LCP1: variants seen among roughly 807,000 people sequenced by gnomAD.
LCP1 encodes plastin-2.
In LCP1, 23 loss-of-function variants were observed where a neutral mutation model predicts 72.0. The ratio of observed to expected loss-of-function variants is 0.32; its 90% CI spans 0.23 to 0.45. LCP1 has a LOEUF of 0.45. Among genes scored for constraint, LCP1 ranks in the 20% least tolerant of loss-of-function variants. The pLI is 1.00. For synonymous variants in LCP1, 245 were observed against 275.4 expected (o/e 0.89, Z 1.09); for missense variants, 571 against 748.3 (o/e 0.76, Z 2.76).
At chr13:46,162,986 G>C (rs1030540393) in intron 1 of LCP1, among the ~76,000 whole-genome samples, 1 of 151,036 alleles carries the variant, frequency 6.6e-6, no homozygotes, top group Non-Finnish European at 1.5e-5. Context: ...GTCTCCAGCC[G>C]GCAGCCGCCC....
intron 1 of LCP1, among the ~76,000 whole-genome samples, chr13:46,162,788 GC>G (rs1334263393): frequency 2.6e-5 from 4 of 151,890 alleles, no homozygotes; most frequent in African/African-American, 9.7e-5. Flanking sequence ...GAGCGCCTCT[GC>G]CCCGCCGCCC....
intron 7 of LCP1, among the ~76,000 whole-genome samples, chr13:46,152,104 G>T (rs549431604): frequency 2.4e-4 from 36 of 152,328 alleles, no homozygotes; most frequent in African/African-American, 8.7e-4. Context: ...ACACAGTAAG[G>T]TGGTTACTGT....
rs1330417883 is a variant in LCP1 at position 46,148,345 on chromosome 13, G to T, written c.978+7C>A. 1.2e-6 allele frequency: 2 copies of T among 1,603,914 alleles called. No homozygotes were observed. The highest frequency in any genetic ancestry group is 1.7e-6 in the Non-Finnish European group (2 of 1,171,474). ...ATTCTCCAAACACAACTGGGACCTG[G>T]CCTTACCCGCAGTCCTGACATGTCA... On this transcript the variant is annotated splice_region_variant and intron_variant, in intron 9 of 15. Transcript: ENST00000323076.
In LCP1 at chr13:46,158,655, C is replaced by A; in HGVS notation, c.229-4G>T. 2 of 1,613,460 alleles carry A rather than the reference C, an allele frequency of 1.2e-6. No homozygotes were observed. The highest frequency in any genetic ancestry group is 1.7e-6 in the Non-Finnish European group (2 of 1,179,848). ...TGCTTTTTAGGCCATGGAAAATCTG[C>A]AAAAATATAATGTATCTTTAGAAAC... On this transcript the variant is annotated splice_polypyrimidine_tract_variant and splice_region_variant and intron_variant, in intron 3 of 15. Transcript: ENST00000323076.
rs1174972186 is a variant in LCP1, at chr13:46,126,013, A to AG, written c.*1577dup. 2 of 203,280 alleles carry AG rather than the reference A, an allele frequency of 9.8e-6. No homozygotes were observed. The highest frequency in any genetic ancestry group is 2.0e-5 in the Non-Finnish European group (2 of 98,862). The allele number at this position is 203,280 out of a possible 1,614,324, so 12.6% of individuals were successfully genotyped here. On this transcript the variant is annotated 3_prime_UTR_variant, in exon 16 of 16. Coordinates refer to ENST00000323076, the MANE Select transcript of LCP1 (RefSeq NM_002298.5). ...TAACATTCTTTCTTCCTGGAGGCGGAGGGGGGAAATCATCTGAGGCTACAG... is the reference window on the plus strand; with the variant it reads ...TAACATTCTTTCTTCCTGGAGGCGGAGGGGGGGAAATCATCTGAGGCTACAG...
chr13:46,145,333 G>T (rs1267290758), intron 10 of LCP1, among the ~76,000 whole-genome samples: 1 of 152,154 alleles, frequency 6.6e-6, no homozygotes, highest in Non-Finnish European at 1.5e-5. Context: ...AATTAAACAC[G>T]GCAGAGGACA....
chr13:46,153,593 C>T lies in LCP1; in HGVS notation c.574-648G>A, dbSNP rs566797885. Among the ~76,000 whole-genome samples, 14 of 150,962 alleles carry T rather than the reference C, an allele frequency of 9.3e-5. No homozygotes were observed. In the South Asian group the frequency reaches 2.7e-3, roughly 30 times the overall value. The stretch of plus-strand genomic sequence containing the variant: ...GCAGGTGCCTGTAATCCCAGCCACT[C>T]GGGAGGCTGAGGCAGGAGAATCTCT... On this transcript the variant is annotated intron_variant, in intron 6 of 15. Transcript: ENST00000323076.
intron 1 of LCP1, among the ~76,000 whole-genome samples, chr13:46,164,602 C>T (rs2045866457): frequency 1.3e-5 from 2 of 152,168 alleles, no homozygotes; most frequent in African/African-American, 4.8e-5. Context: ...AGTGGATTAA[C>T]TTAGTTTAAA....
intron 6 of LCP1, among the ~76,000 whole-genome samples, chr13:46,154,398 A>G (rs2045787536): frequency 6.6e-6 from 1 of 152,174 alleles, no homozygotes; most frequent in African/African-American, 2.4e-5. Flanking sequence ...TATTTATTAT[A>G]CTCGTGGCTG....
intron 4 of LCP1, among the ~76,000 whole-genome samples, chr13:46,157,257 C>CATAT (rs138830625): frequency 0.012 from 1,796 of 151,036 alleles, 28 homozygotes; most frequent in African/African-American, 0.041. Flanking sequence ...TGCATGTATA[C>CATAT]ATATATATAT....
At chr13:46,134,826 A>G (rs2045654245) in intron 13 of LCP1, among the ~76,000 whole-genome samples, 1 of 152,084 alleles carries the variant, frequency 6.6e-6, no homozygotes. Context: ...TTAAAATTCT[A>G]TAGACTAGGC....
At chr13:46,127,818 G>A in intron 15 of LCP1, 95 bp from the exon 16 acceptor site, 3 of 1,441,680 alleles carry the variant, frequency 2.1e-6, no homozygotes, top group Admixed American at 1.8e-5. Context: ...TCCATAGTCA[G>A]GACAGAACTC....
intron 1 of LCP1, among the ~76,000 whole-genome samples, chr13:46,165,626 G>C (rs981157025): frequency 6.6e-6 from 1 of 152,132 alleles, no homozygotes; most frequent in Admixed American, 6.5e-5. Flanking sequence ...TAAGTGAGTG[G>C]TTTCTTCAGC....
At chr13:46,133,783 C>T (rs893571058) in intron 14 of LCP1, among the ~76,000 whole-genome samples, 13 of 151,908 alleles carry the variant, frequency 8.6e-5, no homozygotes, top group African/African-American at 1.9e-4. Context: ...CTGTTGGGTA[C>T]GATGCTCCAT....
chr13:46,138,139 C>T (rs1201677355), intron 13 of LCP1, among the ~76,000 whole-genome samples: 1 of 152,184 alleles, frequency 6.6e-6, no homozygotes, highest in African/African-American at 2.4e-5. Context: ...ATGCTGTTTG[C>T]CAACTGTCCA....
intron 1 of LCP1, among the ~76,000 whole-genome samples, chr13:46,179,608 A>T (rs2045947032): frequency 6.6e-6 from 1 of 152,220 alleles, no homozygotes; most frequent in Non-Finnish European, 1.5e-5. Context: ...TGTTTCTTGA[A>T]GTCCGCCTTG....
chr13:46,165,684 A>G (rs990001148), intron 1 of LCP1, among the ~76,000 whole-genome samples: 8 of 152,150 alleles, frequency 5.3e-5, no homozygotes, highest in Non-Finnish European at 2.9e-5. Context: ...TAATGACTAC[A>G]TCATCTAAAT....
chr13:46,159,031 G>A (rs2138262506), intron 2 of LCP1, 42 bp from the exon 3 acceptor site: 1 of 1,596,706 alleles, frequency 6.3e-7, no homozygotes. Flanking sequence ...GACGATTCAG[G>A]CAACAGCTTT....
chr13:46,156,518 A>T lies in LCP1; in HGVS notation c.411T>A (p.Asp137Glu). 1.2e-6 allele frequency: 2 copies of T among 1,614,168 alleles called. No individual in the cohort carries two copies. The highest frequency in any genetic ancestry group is 1.1e-5 in the South Asian group (1 of 91,082). ...TTGGGATGACATGCCGACAATCAGG[A>T]TCATTTTCCAGGGCTTTGTTTATCC... Reference protein sequence around the residue: ...VNWINKALENDPDCRHVIPMN... With the variant: ...VNWINKALENEPDCRHVIPMN... Residue 137 changes from aspartate to glutamate, a missense_variant, in exon 5 of 16, where the codon GAT becomes GAA. By Grantham distance (45) the Asp-to-Glu change is conservative. Transcript: ENST00000323076.
Sources: allele counts gnomAD v4.1 joint callset (sites outside exome capture counted in the v4.1 genomes callset), GRCh38; gene constraint gnomAD v4.1.1; transcripts MANE v1.5; gene names NCBI Gene and HGNC (gene_info 2026-07-23, HGNC 2026-07-21).